The following PDZRN4 variants were observed in gnomAD, a reference collection of about 807,000 sequenced individuals.
The protein encoded by PDZRN4 is PDZ domain-containing RING finger protein 4.
In PDZRN4, 70 loss-of-function variants were observed where a neutral mutation model predicts 99.0. The ratio of observed to expected loss-of-function variants is 0.71; its 90% CI spans 0.58 to 0.86. The LOEUF is 0.86. PDZRN4 is among the 40% of genes least tolerant of loss of function. The pLI is 0.00. For synonymous variants in PDZRN4, 551 were observed against 501.6 expected (o/e 1.10, Z -1.32); for missense variants, 1,474 against 1,331.2 (o/e 1.11, Z -1.67).
intron 3 of PDZRN4, among the ~76,000 whole-genome samples, chr12:41,434,045 C>A (rs1000598399): frequency 2.6e-5 from 4 of 152,126 alleles, no homozygotes; most frequent in African/African-American, 9.7e-5. Context: ...TTTTGGTAAT[C>A]ATTTTCCTAC....
intron 3 of PDZRN4, among the ~76,000 whole-genome samples, chr12:41,316,247 G>T (rs2120961720): frequency 6.6e-6 from 1 of 152,146 alleles, no homozygotes; most frequent in Admixed American, 6.6e-5. Context: ...TAGAAGACAT[G>T]CCAGTATAAA....
chr12:41,437,793 C>T (rs1383751520), intron 3 of PDZRN4: 18 of 1,551,258 alleles, frequency 1.2e-5, no homozygotes, highest in East Asian at 2.2e-5. Flanking sequence ...CTCTGGCTTA[C>T]GCTTCCAGCT....
chr12:41,225,435 G>GT (rs35906953), intron 3 of PDZRN4, among the ~76,000 whole-genome samples: 89,524 of 148,952 alleles, frequency 0.6, 26,996 homozygotes, highest in South Asian at 0.68. Flanking sequence ...ATTACACTGT[G>GT]TTTTTTTTTT....
rs1482955292 is a variant in PDZRN4, at chr12:41,499,535, A to G, written c.844-6921A>G. Among the ~76,000 whole-genome samples the G allele has an allele frequency of 2.0e-5, 3 of 152,124 alleles. No individual in the cohort carries two copies. In the East Asian group the frequency reaches 5.8e-4, roughly 29 times the overall value. On this transcript the variant is annotated intron_variant, in intron 3 of 9. Transcript: ENST00000402685. ...CTTTGATGGGAAAGCTTAAAAGAGA[A>G]GTGTGACAGTGGGAACAAGGAAAGG...
intron 3 of PDZRN4, among the ~76,000 whole-genome samples, chr12:41,293,286 C>A (rs17129215): frequency 6.8e-6 from 1 of 147,662 alleles, no homozygotes; most frequent in Non-Finnish European, 1.5e-5. Flanking sequence ...AATGTAATTT[C>A]CCTGGTGCTG....
chr12:41,506,654 A>C lies in PDZRN4; in HGVS notation c.1042A>C (p.Lys348Gln). Residue 348 changes from lysine to glutamine, a missense_variant, in exon 4 of 10, where the codon AAG becomes CAG. Lys to Gln is a moderately conservative substitution (Grantham distance 53). Transcript: ENST00000402685. Reference protein sequence around the residue: ...ITFEHIMALAKLRPPTPPVPD... With the variant: ...ITFEHIMALAQLRPPTPPVPD... ...CTTCGAACACATCATGGCTCTGGCC[A>C]AGCTTCGTCCACCTACCCCTCCAGT... 1 of 1,613,844 alleles carries C rather than the reference A, an allele frequency of 6.2e-7. No individual in the cohort carries two copies. Among genetic ancestry groups the C allele is most frequent in the Non-Finnish European group, 8.5e-7 (1 of 1,179,832 alleles).
intron 3 of PDZRN4, among the ~76,000 whole-genome samples, chr12:41,319,758 G>A (rs528049105): frequency 6.6e-6 from 1 of 152,226 alleles, no homozygotes; most frequent in African/African-American, 2.4e-5. Flanking sequence ...CGTTCCTAGA[G>A]GTAAAAAACA....
chr12:41,415,956 G>A (rs1475340245), intron 3 of PDZRN4, among the ~76,000 whole-genome samples: 1 of 152,110 alleles, frequency 6.6e-6, no homozygotes, highest in African/African-American at 2.4e-5. Flanking sequence ...TAAATAGAAT[G>A]AAACAGACTA....
At chr12:41,372,393 ATAAT>A (rs1229296793) in intron 3 of PDZRN4, among the ~76,000 whole-genome samples, 7 of 152,186 alleles carry the variant, frequency 4.6e-5, no homozygotes, top group East Asian at 3.8e-4. Context: ...AATGTAGATA[ATAAT>A]TAAATAAGCA....
intron 3 of PDZRN4, among the ~76,000 whole-genome samples, chr12:41,218,600 C>T (rs945613629): frequency 1.8e-4 from 28 of 151,980 alleles, no homozygotes; most frequent in African/African-American, 6.5e-4. Context: ...AATTGTTGGG[C>T]GTAATAAGTG....
At chr12:41,321,624 T>A (rs1592011059) in intron 3 of PDZRN4, among the ~76,000 whole-genome samples, 2 of 152,228 alleles carry the variant, frequency 1.3e-5, no homozygotes, top group South Asian at 4.1e-4. Flanking sequence ...ACTTGTAGCA[T>A]CTACTCCTTT....
rs1163290270 is a variant in PDZRN4, at chr12:41,188,521, C to G, written c.66C>G (p.Gly22=). The part of the protein sequence containing the change: ...VDPALECKLC[G]QVLEEPLCTP... ...CGGCTCTGGAGTGCAAACTGTGCGG[C>G]CAGGTGCTTGAAGAGCCCCTGTGCA... The change falls in exon 1 of 10, where the codon GGC becomes GGG. Residue 22 remains glycine, a synonymous_variant. Coordinates refer to ENST00000402685, the MANE Select transcript of PDZRN4 (RefSeq NM_001164595.2). 2 of 1,585,520 alleles carry G rather than the reference C, an allele frequency of 1.3e-6. No homozygotes were observed. The highest frequency in any genetic ancestry group is 1.7e-6 in the Non-Finnish European group (2 of 1,174,030).
chr12:41,202,054 T>C (rs1012976546), intron 3 of PDZRN4, among the ~76,000 whole-genome samples: 1 of 152,118 alleles, frequency 6.6e-6, no homozygotes, highest in Non-Finnish European at 1.5e-5. Flanking sequence ...GGACCAATTA[T>C]GAAATTGAAC....
At chr12:41,387,305 C>T (rs568891281) in intron 3 of PDZRN4, among the ~76,000 whole-genome samples, 4 of 152,166 alleles carry the variant, frequency 2.6e-5, no homozygotes, top group Non-Finnish European at 4.4e-5. Context: ...GTGCATAGGC[C>T]GGGTGCAGTG....
chr12:41,226,168 C>A (rs931288424), intron 3 of PDZRN4, among the ~76,000 whole-genome samples: 1 of 151,876 alleles, frequency 6.6e-6, no homozygotes, highest in African/African-American at 2.4e-5. Context: ...AAAATAAAGA[C>A]CTTTCCCTGG....
intron 3 of PDZRN4, among the ~76,000 whole-genome samples, chr12:41,228,098 T>C (rs17129140): frequency 0.032 from 4,842 of 152,230 alleles, 264 homozygotes; most frequent in African/African-American, 0.11. Flanking sequence ...GAAAAGACAG[T>C]CATCTGAATG....
chr12:41,571,005 AG>A (rs951090320), intron 9 of PDZRN4, among the ~76,000 whole-genome samples: 1 of 152,100 alleles, frequency 6.6e-6, no homozygotes, highest in African/African-American at 2.4e-5. Flanking sequence ...TTATCTAGAG[AG>A]ACCTTTTTAG....
intron 3 of PDZRN4, chr12:41,409,778 G>T (rs182029355): frequency 2.6e-5 from 4 of 152,304 alleles, no homozygotes; most frequent in Non-Finnish European, 2.9e-5. Context: ...TGAAATCAAT[G>T]TGTCAGATGT....
intron 5 of PDZRN4, among the ~76,000 whole-genome samples, chr12:41,533,557 T>C (rs962814788): frequency 6.6e-6 from 1 of 152,250 alleles, no homozygotes; most frequent in Admixed American, 6.5e-5. Context: ...TTTGAAAATA[T>C]AGCTATACCA....
Sources: allele counts gnomAD v4.1 joint callset (sites outside exome capture counted in the v4.1 genomes callset), GRCh38; gene constraint gnomAD v4.1.1; transcripts MANE v1.5; gene names NCBI Gene and HGNC (gene_info 2026-07-23, HGNC 2026-07-21).